Variants in CKB observed in about 807,000 individuals in gnomAD.
CKB encodes creatine kinase B-type.
A neutral mutation model predicts 36.9 loss-of-function variants in CKB; 15 were observed. That is an observed-to-expected ratio of 0.41 (90% CI 0.27 to 0.63). CKB has a LOEUF of 0.63. Among genes scored for constraint, CKB ranks in the 20% least tolerant of loss-of-function variants. The pLI is 0.34. For missense variants in CKB, 413 were observed against 534.9 expected (o/e 0.77, Z 2.25); for synonymous variants, 250 against 228.2 (o/e 1.10, Z -0.86).
chr14:103,521,963 A>G lies in CKB; in HGVS notation c.349-13T>C. The stretch of plus-strand genomic sequence containing the variant: ...GGTCGTCGCCGCCCTGGGAGGCGAG[A>G]CGGGAGTGAGCGCCCGAAGACCCCG... On this transcript the variant is annotated splice_polypyrimidine_tract_variant and intron_variant, in intron 3 of 7. Transcript: ENST00000348956. 1.3e-6 allele frequency: 2 copies of G among 1,564,584 alleles called. No individual in the cohort carries two copies.
rs1359542468 is a variant in CKB, at chr14:103,521,334, G to A, written c.582C>T (p.Phe194=). The A allele has an allele frequency of 1.9e-6, 3 of 1,609,520 alleles. No individual in the cohort carries two copies. The highest frequency in any genetic ancestry group is 1.7e-5 in the Admixed American group (1 of 59,888). ...GCAGCAGGGGCGACACGGGCTTGTC[G>A]AAGAGGAAGTGGTCGTCGATGAGCT... ...QQQLIDDHFL[F]DKPVSPLLLA... is the part of the protein sequence containing the mutation. Residue 194 remains phenylalanine, a synonymous_variant, in exon 5 of 8, where the codon TTC becomes TTT. Coordinates refer to ENST00000348956, the MANE Select transcript of CKB (RefSeq NM_001823.5).
chr14:103,521,038 G>A (rs980059690), intron 5 of CKB: 16 of 681,516 alleles, frequency 2.3e-5, no homozygotes, highest in African/African-American at 2.1e-4. Context: ...TGAGTCCTGA[G>A]CCCCCACGGG....
At position 103,522,320 on chromosome 14, in the gene CKB, C is replaced by T. The variant is rs1165162400; in HGVS notation, c.174G>A (p.Gln58=). Residue 58 remains glutamine, a synonymous_variant, in exon 2 of 8, where the codon CAG becomes CAA. Coordinates refer to ENST00000348956, the MANE Select transcript of CKB (RefSeq NM_001823.5). This position sits in a 1 kb window ranked among gnomAD's most constrained non-coding sequence, Gnocchi z 6.7. ...PSGFTLDDVI[Q]TGVDNPGHPY... is the part of the protein sequence containing the mutation. The stretch of plus-strand genomic sequence containing the variant: ...GCGTACCCGGGTTGTCCACGCCTGT[C>T]TGGATGACGTCGTCCAGCGTGAAGC... 1.9e-6 allele frequency: 3 copies of T among 1,608,106 alleles called. No homozygotes were observed. The highest frequency in any genetic ancestry group is 2.5e-6 in the Non-Finnish European group (3 of 1,178,966).
chr14:103,521,045 C>T (rs2075896547), intron 5 of CKB: 1 of 693,332 alleles, frequency 1.4e-6, no homozygotes, highest in Non-Finnish European at 2.6e-6. Context: ...TGAGCCCCCA[C>T]GGGCCGGGGC....
chr14:103,522,477 C>A lies in CKB; in HGVS notation c.17G>T (p.Ser6Ile), dbSNP rs146055152. MPFSN[S>I]HNALKLRFPA... ...GAAGCGCAGCTTCAGTGCGTTGTGGCTGTTGGAGAAGGGCATGGCGGCGGC... is the reference window on the plus strand; with the variant it reads ...GAAGCGCAGCTTCAGTGCGTTGTGGATGTTGGAGAAGGGCATGGCGGCGGC... Residue 6 changes from serine to isoleucine, a missense_variant, in exon 2 of 8, where the codon AGC (serine) becomes ATC (isoleucine). By Grantham distance (142) the Ser-to-Ile change is moderately radical (BLOSUM62 -2). Transcript: ENST00000348956. This position sits in a 1 kb window ranked among gnomAD's most constrained non-coding sequence, Gnocchi z 6.7. The A allele has an allele frequency of 6.3e-7, 1 of 1,597,404 alleles. No homozygotes were observed. Among genetic ancestry groups the A allele is most frequent in the African/African-American group, 1.4e-5 (1 of 73,434 alleles).
rs1334781325 is a variant in CKB, at chr14:103,522,352, G to A, written c.142C>T (p.Pro48Ser). 1.2e-6 allele frequency: 2 copies of A among 1,611,138 alleles called. No individual in the cohort carries two copies. Among genetic ancestry groups the A allele is most frequent in the Non-Finnish European group, 8.5e-7 (1 of 1,179,242 alleles). ...ACGTCGTCCAGCGTGAAGCCGCTCG[G>A]CGTGCTCTTGGCGCGCAGCTCCGCG... The part of the protein sequence containing the change: ...LYAELRAKST[P>S]SGFTLDDVIQ... The change falls in exon 2 of 8, where the codon CCG (proline) becomes TCG (serine). Residue 48 changes from proline to serine, a missense_variant. Physicochemically the swap from Pro to Ser is moderately conservative, Grantham distance 74. This residue lies in a region of CKB where 74 missense variants were observed against 70.6 expected (regional missense o/e 1.05). Coordinates refer to ENST00000348956, the MANE Select transcript of CKB (RefSeq NM_001823.5). This position sits in a 1 kb window ranked among gnomAD's most constrained non-coding sequence, Gnocchi z 6.7.
chr14:103,522,583 GCCGGGCCCCCCGGCGCCCC>G lies in CKB; in HGVS notation c.-12-97_-12-79del. The G allele has an allele frequency of 8.9e-6, 3 of 336,500 alleles. No individual in the cohort carries two copies. The highest frequency in any genetic ancestry group is 1.4e-5 in the Non-Finnish European group (3 of 208,930). The allele number at this position is 336,500 out of a possible 1,614,324, so 20.8% of individuals were successfully genotyped here. On this transcript the variant is annotated intron_variant, in intron 1 of 7. Transcript: ENST00000348956. The surrounding 1 kb of genome is among the most constrained non-coding windows in gnomAD (Gnocchi z 6.7). ...CCCGCGTACCACTCAGGCCCCCGCCGCCGGGCCCCCCGGCGCCCCCCGGGACGCGGCCAAGGTCAGCGGG... is the reference window on the plus strand; with the variant it reads ...CCCGCGTACCACTCAGGCCCCCGCCGCCGGGACGCGGCCAAGGTCAGCGGG...
chr14:103,520,632 C>T (rs759542035), intron 5 of CKB, 40 bp from the exon 6 acceptor site: 1 of 1,580,770 alleles, frequency 6.3e-7, no homozygotes, highest in Admixed American at 1.8e-5. Context: ...CAGAAAAAAG[C>T]CCCAGGCCGC....
At chr14:103,520,794 G>A in intron 5 of CKB, 1 of 741,564 alleles carries the variant, frequency 1.3e-6, no homozygotes. Context: ...GCCATCATGC[G>A]CTGTGGCCTG....
At chr14:103,521,656 G>A in intron 4 of CKB, 162 bp downstream of exon 4, 5 of 1,008,964 alleles carry the variant, frequency 5.0e-6, no homozygotes, top group Non-Finnish European at 6.6e-6. Context: ...GCGCGGGGCT[G>A]GGCCTCCGTC....
rs767588959 is a variant in CKB, at chr14:103,522,294, C to T, written c.193+7G>A. The T allele has an allele frequency of 1.2e-6, 2 of 1,600,384 alleles. No homozygotes were observed. The highest frequency in any genetic ancestry group is 1.7e-6 in the Non-Finnish European group (2 of 1,176,346). Reference sequence around the variant, plus strand: ...GGCCGGGACCCCGGCCCCGAGGGGTCGCGTACCCGGGTTGTCCACGCCTGT... The same window carrying T: ...GGCCGGGACCCCGGCCCCGAGGGGTTGCGTACCCGGGTTGTCCACGCCTGT... On this transcript the variant is annotated splice_region_variant and intron_variant, in intron 2 of 7. Transcript: ENST00000348956. This position sits in a 1 kb window ranked among gnomAD's most constrained non-coding sequence, Gnocchi z 6.7.
rs11545351 is a variant in CKB, at chr14:103,522,449, C to T, written c.45G>A (p.Pro15=). The change falls in exon 2 of 8, where the codon CCG becomes CCA. Residue 15 remains proline (P), a synonymous_variant. Coordinates refer to ENST00000348956, the MANE Select transcript of CKB (RefSeq NM_001823.5). This position sits in a 1 kb window ranked among gnomAD's most constrained non-coding sequence, Gnocchi z 6.7. ...NSHNALKLRF[P]AEDEFPDLSA... Reference sequence around the variant, plus strand: ...TCAGGTCGGGGAACTCGTCCTCGGCCGGGAAGCGCAGCTTCAGTGCGTTGT... The same window carrying T: ...TCAGGTCGGGGAACTCGTCCTCGGCTGGGAAGCGCAGCTTCAGTGCGTTGT... 3.1e-6 allele frequency: 5 copies of T among 1,608,988 alleles called. No individual in the cohort carries two copies. The highest frequency in any genetic ancestry group is 3.3e-4 in the Middle Eastern group (2 of 6,062).
At chr14:103,521,135 G>T in intron 5 of CKB, 128 bp downstream of exon 5, 3 of 1,181,934 alleles carry the variant, frequency 2.5e-6, no homozygotes, top group Non-Finnish European at 3.6e-6. Flanking sequence ...CCGGAGCGCG[G>T]CCGGCCCCTC....
rs781011154 is a variant in CKB, at chr14:103,521,393, C to G, written c.523G>C (p.Ala175Pro). The G allele has an allele frequency of 1.0e-5, 16 of 1,607,390 alleles. No individual in the cohort carries two copies. Among genetic ancestry groups the G allele is most frequent in the Non-Finnish European group, 1.4e-5 (16 of 1,179,158 alleles). The change falls in exon 5 of 8, where the codon GCG becomes CCG. Residue 175 changes from alanine to proline, a missense_variant. Ala to Pro is a conservative substitution (Grantham distance 27). Coordinates refer to ENST00000348956, the MANE Select transcript of CKB (RefSeq NM_001823.5). ...LDGDLAGRYY[A>P]LKSMTEAEQQ... ...TCCGCCTCCGTCATGCTCTTGAGCG[C>G]GTAGTATCGGCCCGCCAGGTCGCCG...
At chr14:103,521,096 C>G in intron 5 of CKB, 167 bp downstream of exon 5, 2 of 870,034 alleles carry the variant, frequency 2.3e-6, no homozygotes, top group Non-Finnish European at 3.7e-6. Context: ...GTCACCGGCG[C>G]AGGAGGAGGC....
At chr14:103,520,771 G>A (rs972860165) in intron 5 of CKB, 179 bp from the exon 6 acceptor site, 22 of 856,282 alleles carry the variant, frequency 2.6e-5, no homozygotes, top group Middle Eastern at 3.1e-4. Flanking sequence ...CTCACAGCAG[G>A]AGAACCCCAG....
chr14:103,520,237 T>A lies in CKB; in HGVS notation c.852A>T (p.Pro284=). The part of the protein sequence containing the change: ...NPHLGYILTC[P]SNLGTGLRAG... ...CCCGCAGCCCGGTGCCCAGGTTGGA[T>A]GGGCAGGTGAGGATGTAGCCCAGGT... Residue 284 remains proline, a synonymous_variant, in exon 7 of 8, where the codon CCA becomes CCT. Coordinates refer to ENST00000348956, the MANE Select transcript of CKB (RefSeq NM_001823.5). 3.7e-6 allele frequency: 6 copies of A among 1,613,558 alleles called. No homozygotes were observed. The highest frequency in any genetic ancestry group is 5.1e-6 in the Non-Finnish European group (6 of 1,179,978).
Position 103,520,033 on chromosome 14 carries a change from T to C in CKB, c.977A>G (p.Asp326Gly). 6.2e-7 allele frequency: 1 copy of C among 1,610,268 alleles called. No homozygotes were observed. The highest frequency in any genetic ancestry group is 8.5e-7 in the Non-Finnish European group (1 of 1,179,834). ...RLQKRGTGGV[D>G]TAAVGGVFDV... Reference sequence around the variant, plus strand: ...GAAGACCCCGCCCACCGCAGCCGTGTCCACACCGCCTGGGGAGACAGCAAG... The same window carrying C: ...GAAGACCCCGCCCACCGCAGCCGTGCCCACACCGCCTGGGGAGACAGCAAG... The change falls in exon 8 of 8, where the codon GAC (aspartate) becomes GGC (glycine). Residue 326 changes from aspartate (D) to glycine (G), a missense_variant. This residue lies in a region of CKB where 314 missense variants were observed against 409.4 expected (regional missense o/e 0.77). Transcript: ENST00000348956.
intron 6 of CKB, 42 bp from the exon 7 acceptor site, chr14:103,520,353 A>C: frequency 6.3e-7 from 1 of 1,587,294 alleles, no homozygotes; most frequent in Non-Finnish European, 8.6e-7. Flanking sequence ...GGCCTGCCTG[A>C]AACCCCTACA....
Sources: allele counts gnomAD v4.1 joint callset, GRCh38; gene constraint gnomAD v4.1.1; regional missense constraint gnomAD v4.1.1; non-coding constraint Gnocchi (gnomAD v3.1); transcripts MANE v1.5; gene names NCBI Gene and HGNC (gene_info 2026-07-23, HGNC 2026-07-21).